RPS6KC1: variants seen among roughly 807,000 people sequenced by gnomAD.
The protein encoded by RPS6KC1 is inactive ribosomal protein S6 kinase delta-1.
A neutral mutation model predicts 103.8 loss-of-function variants in RPS6KC1; 54 were observed. The observed-to-expected ratio is 0.52, with a 90% CI of 0.42 to 0.65. The LOEUF (loss-of-function observed/expected upper bound fraction) is 0.65, where lower values mean the gene tolerates loss of function less well. RPS6KC1 is among the 30% of genes least tolerant of loss of function. RPS6KC1 has a pLI of 0.00. For synonymous variants in RPS6KC1, 439 were observed against 438.7 expected (o/e 1.00, Z -0.01); for missense variants, 1,151 against 1,253.8 (o/e 0.92, Z 1.24).
At chr1:213,110,694 T>C (rs567459776) in intron 4 of RPS6KC1, among the ~76,000 whole-genome samples, 2 of 152,272 alleles carry the variant, frequency 1.3e-5, no homozygotes, top group Non-Finnish European at 2.9e-5. Context: ...TCCTCTGAAG[T>C]CTTGAATTTC....
At chr1:213,755,586 G>C in the RPS6KC1 span, among the ~76,000 whole-genome samples, 1 of 152,222 alleles carries the variant, frequency 6.6e-6, no homozygotes, top group African/African-American at 2.4e-5. Context: ...GGTCTCTGTA[G>C]TGGCAGCTGG....
At chr1:213,480,767 T>C in the RPS6KC1 span, among the ~76,000 whole-genome samples, 1 of 152,124 alleles carries the variant, frequency 6.6e-6, no homozygotes, top group Non-Finnish European at 1.5e-5. Context: ...GTAAGTAGCC[T>C]TTTTGGCAGA....
the RPS6KC1 span, among the ~76,000 whole-genome samples, chr1:213,362,518 A>G: frequency 6.6e-6 from 1 of 152,166 alleles, no homozygotes; most frequent in East Asian, 1.9e-4. Flanking sequence ...GCCAGATATG[A>G]TAGGTCCCAG....
chr1:213,117,347 A>G lies in RPS6KC1; in HGVS notation c.409A>G (p.Ile137Val), dbSNP rs1191028149. 2 of 1,609,376 alleles carry G rather than the reference A, an allele frequency of 1.2e-6. No individual in the cohort carries two copies. The highest frequency in any genetic ancestry group is 2.2e-5 in the East Asian group (1 of 44,772). The change falls in exon 5 of 15, where the codon ATT (isoleucine) becomes GTT (valine). Residue 137 changes from isoleucine to valine, a missense_variant. Around this residue, in one of 3 missense-constraint regions of RPS6KC1, gnomAD observed 959 missense variants for 1,006.3 expected, o/e 0.95. Coordinates refer to ENST00000366960, the MANE Select transcript of RPS6KC1 (RefSeq NM_012424.6). Reference sequence around the variant, plus strand: ...AATAATTAATGATAGTTCTGAATTAATTGGTCCTGCTGAAGCTCACTCAGA... The same window carrying G: ...AATAATTAATGATAGTTCTGAATTAGTTGGTCCTGCTGAAGCTCACTCAGA... ...GGIINDSSEL[I>V]GPAEAHSDSL... is the part of the protein sequence containing the mutation.
At chr1:213,079,007 A>C (rs910507195) in intron 3 of RPS6KC1, among the ~76,000 whole-genome samples, 1 of 152,180 alleles carries the variant, frequency 6.6e-6, no homozygotes, top group Non-Finnish European at 1.5e-5. Flanking sequence ...ATGTATAGAA[A>C]CCTCAAAAAT....
chr1:213,304,616 C>T, the RPS6KC1 span, among the ~76,000 whole-genome samples: 4 of 151,346 alleles, frequency 2.6e-5, no homozygotes, highest in African/African-American at 9.7e-5. Flanking sequence ...CATCTTGGCT[C>T]ACCACAACCT....
At chr1:213,414,691 A>G in the RPS6KC1 span, among the ~76,000 whole-genome samples, 1 of 151,936 alleles carries the variant, frequency 6.6e-6, no homozygotes, top group African/African-American at 2.4e-5. Flanking sequence ...GTTTGAGGTC[A>G]TTTGTTATGG....
chr1:213,151,686 G>C (rs1241580748), intron 6 of RPS6KC1, among the ~76,000 whole-genome samples: 1 of 97,600 alleles, frequency 1.0e-5, no homozygotes, highest in Non-Finnish European at 2.1e-5. Flanking sequence ...GGGCAGACGC[G>C]CCCCTCACCT....
At chr1:213,138,513 C>G (rs1572772106) in intron 6 of RPS6KC1, among the ~76,000 whole-genome samples, 1 of 152,120 alleles carries the variant, frequency 6.6e-6, no homozygotes, top group Non-Finnish European at 1.5e-5. Flanking sequence ...CTCCTCCCAC[C>G]CTTTACCCTC....
chr1:213,571,092 A>G, the RPS6KC1 span, among the ~76,000 whole-genome samples: 1 of 152,228 alleles, frequency 6.6e-6, no homozygotes, highest in Admixed American at 6.5e-5. Flanking sequence ...TGGCCTCAAT[A>G]TTCTACTTGC....
the RPS6KC1 span, among the ~76,000 whole-genome samples, chr1:213,748,089 G>A: frequency 6.6e-6 from 1 of 152,162 alleles, no homozygotes; most frequent in Non-Finnish European, 1.5e-5. Flanking sequence ...CAGCTTAGTA[G>A]AATAGCCAAG....
At chr1:213,649,917 A>G in the RPS6KC1 span, among the ~76,000 whole-genome samples, 1 of 152,200 alleles carries the variant, frequency 6.6e-6, no homozygotes, top group African/African-American at 2.4e-5. Context: ...GATCCCGAGC[A>G]ATATCTTCTA....
At chr1:213,056,806 G>A (rs1455640429) in intron 1 of RPS6KC1, among the ~76,000 whole-genome samples, 1 of 150,504 alleles carries the variant, frequency 6.6e-6, no homozygotes, top group Non-Finnish European at 1.5e-5. Context: ...TTTTGTCTTG[G>A]CAATCTCTGC....
the RPS6KC1 span, among the ~76,000 whole-genome samples, chr1:213,303,235 C>T: frequency 1.3e-5 from 2 of 152,080 alleles, no homozygotes; most frequent in Middle Eastern, 3.2e-3. Flanking sequence ...TCAGGATGAG[C>T]GGGGAGAGGA....
At chr1:213,673,577 C>G in the RPS6KC1 span, among the ~76,000 whole-genome samples, 1 of 152,266 alleles carries the variant, frequency 6.6e-6, no homozygotes, top group East Asian at 1.9e-4. Flanking sequence ...CAAGCACTAT[C>G]TATAGAAATT....
At chr1:213,585,435 A>C in the RPS6KC1 span, among the ~76,000 whole-genome samples, 1 of 152,034 alleles carries the variant, frequency 6.6e-6, no homozygotes, top group Non-Finnish European at 1.5e-5. Context: ...TTCCACCCCC[A>C]TATCCCACAA....
the RPS6KC1 span, among the ~76,000 whole-genome samples, chr1:213,720,744 G>T: frequency 1.3e-5 from 2 of 152,214 alleles, no homozygotes; most frequent in South Asian, 4.1e-4. Flanking sequence ...TTTTGCAAAA[G>T]AAAAATGAAG....
At chr1:213,775,204 G>A in the RPS6KC1 span, among the ~76,000 whole-genome samples, 1 of 152,216 alleles carries the variant, frequency 6.6e-6, no homozygotes, top group African/African-American at 2.4e-5. Context: ...AGGCATTATT[G>A]TGTATACCAT....
the RPS6KC1 span, among the ~76,000 whole-genome samples, chr1:213,855,701 G>A: frequency 2.0e-5 from 3 of 152,190 alleles, no homozygotes; most frequent in Admixed American, 1.3e-4. Context: ...CTGGCTACCC[G>A]GTCCACTGCA....
Sources: gnomAD v4.1 joint callset for allele counts (sites outside exome capture counted in the v4.1 genomes callset) on GRCh38, gnomAD v4.1.1 for gene constraint, gnomAD v4.1.1 regional missense constraint, MANE v1.5 for transcripts, NCBI Gene and HGNC (gene_info 2026-07-23, HGNC 2026-07-21) for gene names.